LARGE1: variants seen among roughly 807,000 people sequenced by gnomAD.
LARGE1 encodes xylosyl- and glucuronyltransferase LARGE1.
In LARGE1, 43 loss-of-function variants were observed where a neutral mutation model predicts 87.6. The observed-to-expected ratio is 0.49, with a 90% CI of 0.38 to 0.63. The LOEUF (loss-of-function observed/expected upper bound fraction) is 0.63. LARGE1 is among the 30% of genes least tolerant of loss of function. The pLI, the probability that LARGE1 is intolerant of heterozygous loss-of-function variation, is 0.00. For synonymous variants in LARGE1, 434 were observed against 394.6 expected, an observed-to-expected ratio of 1.10 and a Z score of -1.18; for missense variants, 802 against 1,000.2, an observed-to-expected ratio of 0.80 and a Z score of 2.67.
At chr22:33,792,548 AC>A (rs2085857215) in intron 1 of LARGE1, among the ~76,000 whole-genome samples, 2 of 152,158 alleles carry the variant, frequency 1.3e-5, no homozygotes, top group Admixed American at 6.5e-5. Flanking sequence ...GCAAGGTCTA[AC>A]CAGGAAAATC....
intron 1 of LARGE1, among the ~76,000 whole-genome samples, chr22:33,799,348 C>G (rs2086084423): frequency 1.3e-5 from 2 of 152,110 alleles, no homozygotes; most frequent in Admixed American, 6.5e-5. Context: ...GCTGAGAAAA[C>G]AAAGCCATAA....
At chr22:33,667,458 C>G (rs2081299733) in intron 2 of LARGE1, among the ~76,000 whole-genome samples, 1 of 152,234 alleles carries the variant, frequency 6.6e-6, no homozygotes. Flanking sequence ...GCCAGGAACA[C>G]TGGCCTTAGC....
chr22:33,348,436 TA>T lies in LARGE1; in HGVS notation c.1132-10636del, dbSNP rs535507973. 9.2e-5 allele frequency among the ~76,000 whole-genome samples: 14 copies of T among 152,270 alleles called. No homozygotes were observed. In the East Asian group the frequency reaches 1.5e-3, roughly 17 times the overall value. ...ACCTCTATTTTCCAACCTCTTAAAA[TA>T]AAATAATAATACCTGCTGCATAGGA... On this transcript the variant is annotated intron_variant, in intron 9 of 14. Coordinates refer to ENST00000397394, the MANE Select transcript of LARGE1 (RefSeq NM_133642.5).
At chr22:33,806,240 T>C (rs547289505) in intron 1 of LARGE1, among the ~76,000 whole-genome samples, 28 of 152,338 alleles carry the variant, frequency 1.8e-4, no homozygotes, top group African/African-American at 6.7e-4. Flanking sequence ...TGCTAGAAAT[T>C]AAGTTTATGG....
At chr22:33,652,250 C>T (rs1419170411) in intron 2 of LARGE1, among the ~76,000 whole-genome samples, 1 of 152,086 alleles carries the variant, frequency 6.6e-6, no homozygotes, top group Non-Finnish European at 1.5e-5. Flanking sequence ...CAATGTGATG[C>T]CACCACAATG....
At chr22:33,303,129 G>A (rs935215847) in intron 12 of LARGE1, among the ~76,000 whole-genome samples, 1 of 152,126 alleles carries the variant, frequency 6.6e-6, no homozygotes, top group Non-Finnish European at 1.5e-5. Context: ...CTATCAATCC[G>A]AATTGTGTAC....
intron 1 of LARGE1, among the ~76,000 whole-genome samples, chr22:33,776,337 G>A (rs1601590011): frequency 6.6e-6 from 1 of 152,152 alleles, no homozygotes; most frequent in Non-Finnish European, 1.5e-5. Flanking sequence ...GGTGACACAG[G>A]TACAGAAGCA....
chr22:33,619,174 G>A (rs1201268456), intron 4 of LARGE1, among the ~76,000 whole-genome samples: 7 of 152,116 alleles, frequency 4.6e-5, no homozygotes, highest in African/African-American at 1.4e-4. Context: ...ACCTAGCTGA[G>A]CTAAGGAACA....
rs557382666 is a variant in LARGE1 at position 33,415,209 on chromosome 22, G to C, written c.892+16952C>G. ...CTGCAGGGGAGGCCCAGCTCAGGTG[G>C]AGGCGTTGTTTTGTTTTTGCTTTAT... On this transcript the variant is annotated intron_variant, in intron 7 of 14. Transcript: ENST00000397394. 4.6e-5 allele frequency among the ~76,000 whole-genome samples: 7 copies of C among 152,338 alleles called. No homozygotes were observed. In the South Asian group the frequency reaches 1.4e-3, roughly 32 times the overall value.
At chr22:33,610,139 C>T (rs1027802517) in intron 4 of LARGE1, among the ~76,000 whole-genome samples, 4 of 152,178 alleles carry the variant, frequency 2.6e-5, no homozygotes, top group South Asian at 2.1e-4. Flanking sequence ...CAGCCTAACA[C>T]AGAAAAATTG....
intron 11 of LARGE1, among the ~76,000 whole-genome samples, chr22:33,188,123 T>C (rs1923584993): frequency 6.6e-6 from 1 of 151,620 alleles, no homozygotes; most frequent in Non-Finnish European, 1.5e-5. Flanking sequence ...CAATTAAAAA[T>C]TTTTTCCAAA....
At chr22:33,679,262 C>T (rs749193292) in intron 2 of LARGE1, among the ~76,000 whole-genome samples, 18 of 152,194 alleles carry the variant, frequency 1.2e-4, no homozygotes, top group Admixed American at 1.1e-3. Flanking sequence ...CCTTACAGAG[C>T]GTTATGGATT....
intron 7 of LARGE1, among the ~76,000 whole-genome samples, chr22:33,427,322 G>A (rs9609790): frequency 0.06 from 9,142 of 152,252 alleles, 335 homozygotes; most frequent in Non-Finnish European, 0.08. Flanking sequence ...TTATCCATCC[G>A]AAGCTGCGGT....
chr22:33,740,559 C>T (rs1472475250), intron 2 of LARGE1, among the ~76,000 whole-genome samples: 2 of 152,170 alleles, frequency 1.3e-5, no homozygotes, highest in African/African-American at 4.8e-5. Flanking sequence ...GTGTCTTTCT[C>T]GGACTCTAGT....
chr22:33,208,650 G>C (rs1924808887), intron 11 of LARGE1, among the ~76,000 whole-genome samples: 1 of 151,858 alleles, frequency 6.6e-6, no homozygotes, highest in Non-Finnish European at 1.5e-5. Flanking sequence ...GTATACACGT[G>C]CCATGGTGGT....
the LARGE1 span, among the ~76,000 whole-genome samples, chr22:33,089,411 TCTA>T: frequency 5.6e-5 from 7 of 124,714 alleles, no homozygotes; most frequent in African/African-American, 2.5e-4. Context: ...TTCTTCTTCT[TCTA>T]CTTCTTCTTC....
intron 9 of LARGE1, 132 bp from the exon 10 acceptor site, chr22:33,337,933 T>G: frequency 9.7e-7 from 1 of 1,030,672 alleles, no homozygotes; most frequent in Non-Finnish European, 1.4e-6. Flanking sequence ...ATTCAACATT[T>G]TGGCAGAGTG....
chr22:33,143,281 C>T, the LARGE1 span, among the ~76,000 whole-genome samples: 5 of 152,056 alleles, frequency 3.3e-5, no homozygotes, highest in Non-Finnish European at 5.9e-5. Flanking sequence ...GTCAATGGGT[C>T]AACTTTCCTT....
At chr22:33,088,356 T>C in the LARGE1 span, among the ~76,000 whole-genome samples, 3 of 152,190 alleles carry the variant, frequency 2.0e-5, no homozygotes, top group African/African-American at 4.8e-5. Context: ...CTGTGTGTGT[T>C]AGATTTCCCT....
Sources: gnomAD v4.1 joint callset for allele counts (sites outside exome capture counted in the v4.1 genomes callset) on GRCh38, gnomAD v4.1.1 for gene constraint, MANE v1.5 for transcripts, NCBI Gene and HGNC (gene_info 2026-07-23, HGNC 2026-07-21) for gene names.